PAPPA: variants seen among roughly 807,000 people sequenced by gnomAD.
The protein encoded by PAPPA is pappalysin-1.
A neutral mutation model predicts 164.0 loss-of-function variants in PAPPA; 60 were observed. The ratio of observed to expected loss-of-function variants is 0.37; its 90% CI spans 0.30 to 0.45. The LOEUF (loss-of-function observed/expected upper bound fraction) is 0.45, where lower values mean the gene tolerates loss of function less well. PAPPA is among the 20% of genes least tolerant of loss of function. The pLI, the probability that PAPPA is intolerant of heterozygous loss-of-function variation, is 1.00. For synonymous variants in PAPPA, 875 were observed against 814.1 expected, an observed-to-expected ratio of 1.07 and a Z score of -1.27; for missense variants, 1,782 against 2,087.3, an observed-to-expected ratio of 0.85 and a Z score of 2.85.
At chr9:116,218,062 G>C (rs1844397978) in intron 4 of PAPPA, among the ~76,000 whole-genome samples, 1 of 152,168 alleles carries the variant, frequency 6.6e-6, no homozygotes, top group African/African-American at 2.4e-5. Context: ...TAGAATGTTT[G>C]GTATTCAGGA....
intron 1 of PAPPA, among the ~76,000 whole-genome samples, chr9:116,181,434 T>A (rs767751023): frequency 1.3e-5 from 2 of 152,142 alleles, no homozygotes; most frequent in African/African-American, 2.4e-5. Flanking sequence ...ATTACTTGTG[T>A]CCTAATTTTC....
chr9:116,294,238 G>A (rs977581623), intron 9 of PAPPA, among the ~76,000 whole-genome samples: 6 of 152,178 alleles, frequency 3.9e-5, no homozygotes, highest in African/African-American at 1.4e-4. Flanking sequence ...TTCTCACAGT[G>A]AAACACAGGG....
intron 5 of PAPPA, among the ~76,000 whole-genome samples, chr9:116,225,264 C>T (rs910324420): frequency 1.3e-5 from 2 of 152,224 alleles, no homozygotes; most frequent in Non-Finnish European, 2.9e-5. Flanking sequence ...TAAGGGAATG[C>T]CTCCATTAGC....
At chr9:116,337,982 T>A (rs1054371235) in intron 13 of PAPPA, among the ~76,000 whole-genome samples, 2 of 151,950 alleles carry the variant, frequency 1.3e-5, no homozygotes, top group African/African-American at 2.4e-5. Context: ...GGAGAAAAGG[T>A]GGGGAGGGAA....
chr9:116,162,072 C>G (rs1397924570), intron 1 of PAPPA, among the ~76,000 whole-genome samples: 1 of 152,044 alleles, frequency 6.6e-6, no homozygotes, highest in African/African-American at 2.4e-5. Flanking sequence ...TGTACACTTG[C>G]AAACTCAAGT....
At chr9:116,295,990 CA>C (rs1471051413) in intron 9 of PAPPA, among the ~76,000 whole-genome samples, 18 of 152,294 alleles carry the variant, frequency 1.2e-4, no homozygotes, top group African/African-American at 4.3e-4. Context: ...CTGGGGATTG[CA>C]ATAGCCCTCA....
chr9:116,192,182 C>T (rs374121312), intron 2 of PAPPA, among the ~76,000 whole-genome samples: 2 of 152,136 alleles, frequency 1.3e-5, no homozygotes, highest in East Asian at 1.9e-4. Context: ...CCTGTTGATG[C>T]AATCCATAGA....
intron 8 of PAPPA, among the ~76,000 whole-genome samples, chr9:116,267,891 A>C (rs1845089750): frequency 1.3e-5 from 2 of 150,612 alleles, no homozygotes; most frequent in African/African-American, 2.4e-5. Flanking sequence ...CAAAAAAAAA[A>C]AAAAAAAAAA....
intron 2 of PAPPA, 82 bp from the exon 3 acceptor site, chr9:116,207,374 C>G: frequency 3.4e-6 from 4 of 1,170,064 alleles, no homozygotes; most frequent in Non-Finnish European, 4.8e-6. Context: ...GCCTGGCACT[C>G]ATAGTAGCTC....
chr9:116,366,135 T>C (rs1430835895), intron 18 of PAPPA, among the ~76,000 whole-genome samples: 1 of 152,206 alleles, frequency 6.6e-6, no homozygotes, highest in Non-Finnish European at 1.5e-5. Flanking sequence ...CTAAGAGAAA[T>C]GGCCTCTTTC....
intron 5 of PAPPA, among the ~76,000 whole-genome samples, chr9:116,224,828 A>C (rs1184931623): frequency 6.6e-6 from 1 of 152,198 alleles, no homozygotes; most frequent in Non-Finnish European, 1.5e-5. Flanking sequence ...CATGAAACCC[A>C]AGTAAGAAAG....
intron 4 of PAPPA, 36 bp downstream of exon 4, chr9:116,211,968 G>A (rs545859447): frequency 6.4e-7 from 1 of 1,574,800 alleles, no homozygotes; most frequent in East Asian, 2.3e-5. Context: ...AACAGGTCTG[G>A]ATGTCAGATG....
chr9:116,289,379 A>AGCATATATATG (rs1564212472), intron 9 of PAPPA, among the ~76,000 whole-genome samples: 31 of 61,344 alleles, frequency 5.1e-4, no homozygotes, highest in Admixed American at 6.2e-4. Context: ...GCATATATAT[A>AGCATATATATG]GCATATGTAT....
At position 116,383,415 on chromosome 9, in the gene PAPPA, A is replaced by T. The variant is rs531899176; in HGVS notation, c.4776+922A>T. 2.6e-5 allele frequency among the ~76,000 whole-genome samples: 4 copies of T among 152,360 alleles called. No homozygotes were observed. The East Asian group carries it at 7.7e-4, about 29-fold the overall frequency. ...TGAGACAGGAAAAGCAAAGAATCAT[A>T]GTCAATCATGCCTAAAGAGCCCTCT... is the stretch of plus-strand genomic sequence containing the variant. On this transcript the variant is annotated intron_variant, in intron 21 of 21. Transcript: ENST00000328252.
Position 116,401,335 on chromosome 9 carries a change from C to T in PAPPA, c.*4719C>T, listed in dbSNP as rs1215605102. ...CTAAAATCTCTTCTTCAGAAGGCAC[C>T]TCACTTCTCAGACTTAAAATTCCAC... On this transcript the variant is annotated 3_prime_UTR_variant, in exon 22 of 22. Transcript: ENST00000328252. 1 of 152,482 alleles carries T rather than the reference C, an allele frequency of 6.6e-6. No homozygotes were observed. The highest frequency in any genetic ancestry group is 2.4e-5 in the African/African-American group (1 of 41,426). 9.4% of individuals were successfully genotyped at this position (152,482 alleles called of 1,614,324 possible).
At chr9:116,186,772 G>A (rs1843975645) in intron 1 of PAPPA, among the ~76,000 whole-genome samples, 2 of 152,066 alleles carry the variant, frequency 1.3e-5, no homozygotes, top group Non-Finnish European at 2.9e-5. Flanking sequence ...CCATCCAACA[G>A]CTTTGGAAAA....
intron 19 of PAPPA, among the ~76,000 whole-genome samples, chr9:116,370,216 T>C (rs955441029): frequency 1.3e-5 from 2 of 152,136 alleles, no homozygotes; most frequent in Non-Finnish European, 2.9e-5. Context: ...CTTGCTGTGA[T>C]CAGGCACTGG....
In PAPPA at chr9:116,347,505, A is replaced by G. The variant is rs896772185; in HGVS notation, c.3964+296A>G. On this transcript the variant is annotated intron_variant, in intron 15 of 21. Transcript: ENST00000328252. This position sits in a 1 kb window ranked among gnomAD's most constrained non-coding sequence, Gnocchi z 4.5. ...GAAGGGAGGGAAGAAGGAAGAGAGA[A>G]AAAGAAAAAAAAGTTACATTTGGGA... Among the ~76,000 whole-genome samples the G allele has an allele frequency of 1.3e-5, 2 of 152,212 alleles. No homozygotes were observed. The highest frequency in any genetic ancestry group is 2.9e-5 in the Non-Finnish European group (2 of 68,034).
At chr9:116,364,756 A>G (rs1564242820) in intron 18 of PAPPA, among the ~76,000 whole-genome samples, 1 of 152,146 alleles carries the variant, frequency 6.6e-6, no homozygotes, top group Non-Finnish European at 1.5e-5. Flanking sequence ...AACAGTGGAG[A>G]AAGAGGGGAA....
Sources: gnomAD v4.1 joint callset for allele counts (sites outside exome capture counted in the v4.1 genomes callset) on GRCh38, gnomAD v4.1.1 for gene constraint, Gnocchi (gnomAD v3.1) non-coding constraint, MANE v1.5 for transcripts, NCBI Gene and HGNC (gene_info 2026-07-23, HGNC 2026-07-21) for gene names.